ADAMTSL1: variants seen among roughly 807,000 people sequenced by gnomAD.
ADAMTSL1 encodes the protein ADAMTS-like protein 1.
In ADAMTSL1, 126 loss-of-function variants were observed where a neutral mutation model predicts 201.8. That is an observed-to-expected ratio of 0.62 (90% CI 0.54 to 0.72). The LOEUF (loss-of-function observed/expected upper bound fraction) is 0.72. Ranked by LOEUF, ADAMTSL1 falls within the 30% of genes least tolerant of loss-of-function variation. The pLI, the probability that ADAMTSL1 is intolerant of heterozygous loss-of-function variation, is 0.00. For synonymous variants in ADAMTSL1, 1,121 were observed against 903.4 expected, an observed-to-expected ratio of 1.24 and a Z score of -4.32; for missense variants, 2,679 against 2,277.8, an observed-to-expected ratio of 1.18 and a Z score of -3.59.
At chr9:18,212,769 G>T (rs368519822) in intron 2 of ADAMTSL1, among the ~76,000 whole-genome samples, 1 of 152,138 alleles carries the variant, frequency 6.6e-6, no homozygotes, top group African/African-American at 2.4e-5. Context: ...GCTCTAGGGT[G>T]CCTTTTGCCT....
chr9:18,709,140 G>C (rs1305552339), intron 14 of ADAMTSL1, among the ~76,000 whole-genome samples: 2 of 152,110 alleles, frequency 1.3e-5, no homozygotes, highest in East Asian at 3.9e-4. Flanking sequence ...ACTGTGCCAA[G>C]GTAATATATT....
At chr9:18,503,429 A>ATATATATATATATATATATATATC (rs1822950347) in intron 1 of ADAMTSL1, among the ~76,000 whole-genome samples, 1 of 147,248 alleles carries the variant, frequency 6.8e-6, no homozygotes, top group African/African-American at 2.5e-5. Context: ...GTGTATATAT[A>ATATATATATATATATATATATATC]TATATATATA....
chr9:18,839,236 A>C lies in ADAMTSL1; in HGVS notation c.4249+9259A>C, dbSNP rs552330700. ...GTGTAATGTTCCCCTTCCTGTGTACATGTGTTCTCATTGTTCAATTCCCAC... is the reference window on the plus strand; with the variant it reads ...GTGTAATGTTCCCCTTCCTGTGTACCTGTGTTCTCATTGTTCAATTCCCAC... On this transcript the variant is annotated intron_variant, in intron 23 of 28. Transcript: ENST00000380548. Among the ~76,000 whole-genome samples, 515 of 127,286 alleles carry C rather than the reference A, an allele frequency of 4.0e-3. 8 individuals are homozygous for C. The highest frequency in any genetic ancestry group is 0.015 in the African/African-American group (479 of 32,776). 83.5% of individuals were successfully genotyped at this position (127,286 alleles called of 152,430 possible). A position where few individuals can be genotyped will look rare whatever the true frequency, so the allele number is the denominator to read the frequency against.
intron 23 of ADAMTSL1, among the ~76,000 whole-genome samples, chr9:18,874,170 T>C (rs1828009551): frequency 6.6e-6 from 1 of 152,208 alleles, no homozygotes; most frequent in African/African-American, 2.4e-5. Flanking sequence ...TGGATTCATT[T>C]ATCAGTTCTA....
chr9:17,947,411 G>T (rs1257059158), intron 1 of ADAMTSL1, among the ~76,000 whole-genome samples: 1 of 150,136 alleles, frequency 6.7e-6, no homozygotes, highest in Admixed American at 6.7e-5. Flanking sequence ...TCACAGTTTG[G>T]GCACAATTTC....
At chr9:18,657,597 C>G (rs546088260) in intron 7 of ADAMTSL1, 42 bp from the exon 8 acceptor site, 1 of 1,476,458 alleles carries the variant, frequency 6.8e-7, no homozygotes, top group Non-Finnish European at 9.5e-7. Flanking sequence ...CAGAAAGCAC[C>G]GCACTGTCAC....
At chr9:18,222,194 C>A (rs1352155777) in intron 2 of ADAMTSL1, among the ~76,000 whole-genome samples, 1 of 151,826 alleles carries the variant, frequency 6.6e-6, no homozygotes, top group Non-Finnish European at 1.5e-5. Flanking sequence ...TTGTGTATAA[C>A]ATATAGCTAA....
chr9:18,889,188 A>G (rs370809589), intron 24 of ADAMTSL1, among the ~76,000 whole-genome samples: 8 of 152,338 alleles, frequency 5.3e-5, no homozygotes, highest in Middle Eastern at 3.4e-3. Context: ...AAACAAAGTC[A>G]CTTTCTGGTG....
chr9:17,942,174 T>A (rs994232933), intron 1 of ADAMTSL1, among the ~76,000 whole-genome samples: 1 of 152,126 alleles, frequency 6.6e-6, no homozygotes, highest in Non-Finnish European at 1.5e-5. Flanking sequence ...TATTGTTTGT[T>A]GGGTACTGAG....
intron 1 of ADAMTSL1, among the ~76,000 whole-genome samples, chr9:18,032,661 G>T (rs1586922909): frequency 6.6e-6 from 1 of 152,188 alleles, no homozygotes. Flanking sequence ...TTTTGCTGTA[G>T]CTGCCCCTTG....
intron 2 of ADAMTSL1, among the ~76,000 whole-genome samples, chr9:18,372,684 C>G (rs1837099163): frequency 6.6e-6 from 1 of 152,132 alleles, no homozygotes; most frequent in Non-Finnish European, 1.5e-5. Context: ...TCATCAGGGT[C>G]TTTTGGTTTG....
At position 18,248,379 on chromosome 9, in the gene ADAMTSL1, A is replaced by C. The variant is rs558480844; in HGVS notation, c.207+84398A>C. On this transcript the variant is annotated intron_variant, in intron 2 of 29. Transcript: ENST00000680146. ...TGGCTTCCCATATTTGCTATTCCAG[A>C]CTGCTGCACTGGGACAAGAAAAGCC... Among the ~76,000 whole-genome samples the C allele has an allele frequency of 1.0e-3, 154 of 152,208 alleles. 1 individual carries two copies. Among genetic ancestry groups the C allele is most frequent in the Middle Eastern group, 6.8e-3 (2 of 294 alleles).
rs151028009 is a variant in ADAMTSL1 at position 18,004,071 on chromosome 9, C to T, written c.87+97149C>T. Among the ~76,000 whole-genome samples, 36 of 151,846 alleles carry T rather than the reference C, an allele frequency of 2.4e-4. No individual in the cohort carries two copies. The East Asian group carries it at 4.9e-3, about 21-fold the overall frequency. On this transcript the variant is annotated intron_variant, in intron 1 of 29. Coordinates refer to the ADAMTSL1 transcript ENST00000680146. ...ATTATAAATGTAATCACTTATATAC[C>T]GAAGAAAGGGTCCATATGGACCACT...
chr9:18,472,436 G>A (rs530126915), upstream of ADAMTSL1, among the ~76,000 whole-genome samples: 483 of 152,326 alleles, frequency 3.2e-3, 2 homozygotes, highest in Non-Finnish European at 5.9e-3. Flanking sequence ...GATTTGTACT[G>A]TCCATTTTTC....
intron 1 of ADAMTSL1, among the ~76,000 whole-genome samples, chr9:18,014,999 A>C (rs529185325): frequency 6.6e-6 from 1 of 152,208 alleles, no homozygotes; most frequent in African/African-American, 2.4e-5. Flanking sequence ...GTAGGTGGTA[A>C]TATAAATAAT....
chr9:18,673,208 A>G (rs950393166), intron 9 of ADAMTSL1, among the ~76,000 whole-genome samples: 1 of 152,062 alleles, frequency 6.6e-6, no homozygotes, highest in African/African-American at 2.4e-5. Flanking sequence ...ATTCTTTTTC[A>G]TTATTCTTTA....
intron 2 of ADAMTSL1, among the ~76,000 whole-genome samples, chr9:18,455,056 A>G (rs1820550419): frequency 6.6e-6 from 1 of 152,196 alleles, no homozygotes; most frequent in Non-Finnish European, 1.5e-5. Context: ...CAAATTGATT[A>G]TGATTTTTAC....
chr9:18,749,132 G>A (rs1383826251), intron 15 of ADAMTSL1, among the ~76,000 whole-genome samples: 1 of 152,184 alleles, frequency 6.6e-6, no homozygotes, highest in Admixed American at 6.5e-5. Flanking sequence ...TACATCTACA[G>A]TGACTCTATT....
chr9:18,606,080 G>C (rs1824993554), intron 4 of ADAMTSL1, among the ~76,000 whole-genome samples: 1 of 152,118 alleles, frequency 6.6e-6, no homozygotes. Context: ...TGCAGGGTTA[G>C]GCCGCCCAGA....
Sources: allele counts gnomAD v4.1 joint callset (sites outside exome capture counted in the v4.1 genomes callset), GRCh38; gene constraint gnomAD v4.1.1; transcripts MANE v1.5; gene names NCBI Gene and HGNC (gene_info 2026-07-23, HGNC 2026-07-21).